The following WSCD1 variants were observed in gnomAD, a reference collection of about 807,000 sequenced individuals.
WSCD1 encodes the protein WSC domain sialate O sulfotransferase 1, also known as sialate:O-sulfotransferase 1.
Under a neutral mutation model 60.4 loss-of-function variants are expected in WSCD1, and 41 were observed. The observed-to-expected ratio is 0.68, with a 90% CI of 0.53 to 0.88. The LOEUF (loss-of-function observed/expected upper bound fraction) is 0.88. Among genes scored for constraint, WSCD1 ranks in the 40% least tolerant of loss-of-function variants. WSCD1 has a pLI of 0.00. For synonymous variants in WSCD1, 361 were observed against 332.5 expected, an observed-to-expected ratio of 1.09 and a Z score of -0.93; for missense variants, 784 against 796.2, an observed-to-expected ratio of 0.98 and a Z score of 0.18.
chr17:6,105,809 C>T (rs1911055068), intron 5 of WSCD1, among the ~76,000 whole-genome samples: 1 of 152,184 alleles, frequency 6.6e-6, no homozygotes, highest in Non-Finnish European at 1.5e-5. Flanking sequence ...ATTTACCATG[C>T]TGGTGGATTT....
intron 5 of WSCD1, among the ~76,000 whole-genome samples, chr17:6,104,714 C>A (rs1194765280): frequency 6.6e-6 from 1 of 152,206 alleles, no homozygotes; most frequent in East Asian, 1.9e-4. Context: ...AAGAGACTGG[C>A]AGAGCTAACC....
chr17:6,112,562 C>T (rs554876688), intron 7 of WSCD1, among the ~76,000 whole-genome samples: 2 of 152,240 alleles, frequency 1.3e-5, no homozygotes, highest in East Asian at 3.9e-4. Context: ...TGCCTAAAGG[C>T]TTCACCAAGA....
In WSCD1 at chr17:6,118,585, C is replaced by T. The variant is rs1904448575; in HGVS notation, c.1375+397C>T. Among the ~76,000 whole-genome samples the T allele has an allele frequency of 1.3e-5, 2 of 152,198 alleles. No homozygotes were observed. Among genetic ancestry groups the T allele is most frequent in the Admixed American group, 1.3e-4 (2 of 15,280 alleles). ...CCTGCTTTGCACCTTCCTCTGTGTT[C>T]AGCACCAGGTTCCTCTTTTATAGAA... On this transcript the variant is annotated intron_variant, in intron 8 of 8. Coordinates refer to ENST00000317744, the MANE Select transcript of WSCD1 (RefSeq NM_015253.2). The surrounding 1 kb of genome is among the most constrained non-coding windows in gnomAD (Gnocchi z 5.8).
chr17:6,087,406 C>T (rs1008297502), intron 2 of WSCD1, among the ~76,000 whole-genome samples: 1 of 152,238 alleles, frequency 6.6e-6, no homozygotes, highest in African/African-American at 2.4e-5. Flanking sequence ...AGGACACTTG[C>T]TCCCATTCTT....
chr17:6,091,082 C>T (rs372535282), intron 4 of WSCD1, among the ~76,000 whole-genome samples: 4 of 152,036 alleles, frequency 2.6e-5, no homozygotes, highest in African/African-American at 7.2e-5. Context: ...TTAGTAGAGA[C>T]GGGGTTTCAC....
chr17:6,098,648 G>T (rs79598567), intron 5 of WSCD1, among the ~76,000 whole-genome samples: 2 of 152,224 alleles, frequency 1.3e-5, no homozygotes, highest in Non-Finnish European at 1.5e-5. Context: ...CTGCCTCTGC[G>T]TGGTCAGATG....
intron 1 of WSCD1, among the ~76,000 whole-genome samples, chr17:6,079,381 G>A (rs1000899886): frequency 1.3e-5 from 2 of 152,190 alleles, no homozygotes; most frequent in South Asian, 2.1e-4. Context: ...AGCCCAGGTC[G>A]TGGCAGCTGC....
chr17:6,080,863 A>C lies in WSCD1; in HGVS notation c.205A>C (p.Ser69Arg). 2 of 1,605,790 alleles carry C rather than the reference A, an allele frequency of 1.2e-6. No individual in the cohort carries two copies. The highest frequency in any genetic ancestry group is 1.7e-6 in the Non-Finnish European group (2 of 1,178,450). Residue 69 changes from serine (S) to arginine (R), a missense_variant, in exon 2 of 9, where the codon AGC (serine) becomes CGC (arginine). Coordinates refer to ENST00000317744, the MANE Select transcript of WSCD1 (RefSeq NM_015253.2). The surrounding 1 kb of genome is among the most constrained non-coding windows in gnomAD (Gnocchi z 6.6). ...AVALGVGLLD[S>R]RALHDPRVSP... ...GGCGCTGGGCGTGGGCTTGCTGGAC[A>C]GCAGAGCCCTGCACGACCCTCGAGT... is the stretch of plus-strand genomic sequence containing the variant.
At chr17:6,082,646 A>C (rs1909356024) in intron 2 of WSCD1, among the ~76,000 whole-genome samples, 1 of 152,202 alleles carries the variant, frequency 6.6e-6, no homozygotes, top group Admixed American at 6.5e-5. Flanking sequence ...TCAGCTTCTC[A>C]GCATCCCTGT....
chr17:6,091,373 G>A, intron 4 of WSCD1, among the ~76,000 whole-genome samples: 1 of 152,190 alleles, frequency 6.6e-6, no homozygotes, highest in East Asian at 1.9e-4. Flanking sequence ...GACCCACAGT[G>A]GAGAGAGTTA....
At chr17:6,073,553 C>T (rs1908670662) in intron 1 of WSCD1, among the ~76,000 whole-genome samples, 1 of 152,180 alleles carries the variant, frequency 6.6e-6, no homozygotes. Flanking sequence ...TCGCTTGAAC[C>T]CAGGAGGCGG....
At chr17:6,108,731 C>T (rs762953074) in intron 5 of WSCD1, among the ~76,000 whole-genome samples, 2 of 152,192 alleles carry the variant, frequency 1.3e-5, no homozygotes, top group Admixed American at 6.5e-5. Context: ...GCCTAGCAAG[C>T]GAGCTAGAAT....
intron 8 of WSCD1, among the ~76,000 whole-genome samples, chr17:6,119,174 C>T (rs1904488510): frequency 6.6e-6 from 1 of 152,330 alleles, no homozygotes; most frequent in African/African-American, 2.4e-5. Context: ...TGGGTTAGGA[C>T]TCTCTGTGAA....
chr17:6,094,593 A>G (rs902093184), intron 4 of WSCD1, among the ~76,000 whole-genome samples: 3 of 140,408 alleles, frequency 2.1e-5, no homozygotes, highest in Non-Finnish European at 4.8e-5. Context: ...GGAAGGGAGG[A>G]AGGAAGGAAG....
intron 5 of WSCD1, among the ~76,000 whole-genome samples, chr17:6,102,808 G>A (rs931918765): frequency 1.3e-5 from 2 of 152,052 alleles, no homozygotes; most frequent in East Asian, 1.9e-4. Flanking sequence ...GGGACATTTA[G>A]GCCATTTCCT....
rs1909948496 is a variant in WSCD1, at chr17:6,090,357, G to A, written c.579G>A (p.Glu193=). ...ACGCCGGCTTGGAGGCCGGGGCGGAGTGTTACTGCGGGAACCGGCTGCCAG... is the reference window on the plus strand; with the variant it reads ...ACGCCGGCTTGGAGGCCGGGGCGGAATGTTACTGCGGGAACCGGCTGCCAG... ...YVYAGLEAGA[E]CYCGNRLPAV... Residue 193 remains glutamate (E), a synonymous_variant, in exon 4 of 9, where the codon GAG becomes GAA. Coordinates refer to ENST00000317744, the MANE Select transcript of WSCD1 (RefSeq NM_015253.2). The A allele has an allele frequency of 4.4e-6, 7 of 1,608,354 alleles. No individual in the cohort carries two copies. In the African/African-American group the frequency reaches 9.4e-5, roughly 22 times the overall value.
intron 7 of WSCD1, among the ~76,000 whole-genome samples, chr17:6,116,443 C>T (rs1315571587): frequency 3.3e-5 from 5 of 152,088 alleles, no homozygotes; most frequent in Non-Finnish European, 7.4e-5. Context: ...AAGGCATCTC[C>T]AATGCCCAAC....
chr17:6,079,763 A>G lies in WSCD1; in HGVS notation c.-288-608A>G, dbSNP rs117371073. Among the ~76,000 whole-genome samples, 130 of 152,332 alleles carry G rather than the reference A, an allele frequency of 8.5e-4. 2 individuals are homozygous for G. In the East Asian group the frequency reaches 0.021, roughly 25 times the overall value. ...TGCATGCATATATCAAGCATCTGCAACATAGTCCTGCCTGGGCTAGGTACA... is the reference window on the plus strand; with the variant it reads ...TGCATGCATATATCAAGCATCTGCAGCATAGTCCTGCCTGGGCTAGGTACA... On this transcript the variant is annotated intron_variant, in intron 1 of 8. Transcript: ENST00000317744.
At chr17:6,083,733 C>T (rs1013457675) in intron 2 of WSCD1, among the ~76,000 whole-genome samples, 9 of 152,152 alleles carry the variant, frequency 5.9e-5, no homozygotes, top group East Asian at 3.9e-4. Flanking sequence ...GAGCCGAGAT[C>T]GCGCCACTGC....
Sources: gnomAD v4.1 joint callset for allele counts (sites outside exome capture counted in the v4.1 genomes callset) on GRCh38, gnomAD v4.1.1 for gene constraint, Gnocchi (gnomAD v3.1) non-coding constraint, MANE v1.5 for transcripts, NCBI Gene and HGNC (gene_info 2026-07-23, HGNC 2026-07-21) for gene names.